The following PDE8A variants were observed in gnomAD, a reference collection of about 807,000 sequenced individuals.
PDE8A encodes the protein phosphodiesterase 8A.
A neutral mutation model predicts 105.0 loss-of-function variants in PDE8A; 59 were observed. The observed-to-expected ratio is 0.56, with a 90% CI of 0.46 to 0.70. The LOEUF (loss-of-function observed/expected upper bound fraction) is 0.70. PDE8A is among the 30% of genes least tolerant of loss of function. PDE8A has a pLI of 0.00. For missense variants in PDE8A, 1,014 were observed against 1,045.9 expected (o/e 0.97, Z 0.42); for synonymous variants, 355 against 371.9 (o/e 0.95, Z 0.52).
chr15:85,066,983 TAA>T, intron 2 of PDE8A, 29 bp from the exon 3 acceptor site: 5 of 1,497,290 alleles, frequency 3.3e-6, no homozygotes, highest in Non-Finnish European at 4.6e-6. Flanking sequence ...CATCTTTTTT[TAA>T]AAAAAGTGTT....
At chr15:85,093,154 C>G (rs886996655) in intron 8 of PDE8A, among the ~76,000 whole-genome samples, 1 of 152,174 alleles carries the variant, frequency 6.6e-6, no homozygotes, top group Middle Eastern at 3.2e-3. Context: ...GTCCGATAAT[C>G]GGCCACCCAA....
chr15:85,095,659 A>T (rs181113668), intron 8 of PDE8A, among the ~76,000 whole-genome samples: 29 of 152,018 alleles, frequency 1.9e-4, no homozygotes, highest in African/African-American at 7.0e-4. Context: ...TAAATCTTAT[A>T]TGATATTTAT....
intron 1 of PDE8A, among the ~76,000 whole-genome samples, chr15:85,011,549 A>G (rs955854660): frequency 6.6e-6 from 1 of 152,194 alleles, no homozygotes; most frequent in African/African-American, 2.4e-5. Flanking sequence ...GCAGTTGCCT[A>G]AAAGGGAAGC....
intron 1 of PDE8A, among the ~76,000 whole-genome samples, chr15:85,056,313 C>CTT (rs2081059407): frequency 6.6e-6 from 1 of 151,752 alleles, no homozygotes; most frequent in African/African-American, 2.4e-5. Flanking sequence ...CGAGGAGTAT[C>CTT]TTTGTGGCGT....
rs554841111 is a variant in PDE8A, at chr15:85,120,016, GAC to G, written c.1735-777_1735-776del. Among the ~76,000 whole-genome samples the G allele has an allele frequency of 2.3e-3, 344 of 151,168 alleles. 2 individuals are homozygous for G. The highest frequency in any genetic ancestry group is 3.5e-3 in the Non-Finnish European group (237 of 67,824). ...CTAGCCAAACTAGTTAAGATATAAA[GAC>G]ACAAAAATATACAAATTTACAGCAG... On this transcript the variant is annotated intron_variant, in intron 17 of 21. Transcript: ENST00000394553.
intron 13 of PDE8A, 65 bp from the exon 14 acceptor site, chr15:85,113,808 C>A: frequency 8.0e-7 from 1 of 1,257,680 alleles, no homozygotes; most frequent in Non-Finnish European, 1.1e-6. Flanking sequence ...ACACGTACTG[C>A]CATGCCTGGC....
intron 12 of PDE8A, among the ~76,000 whole-genome samples, chr15:85,111,075 T>C (rs2082014141): frequency 6.6e-6 from 1 of 152,188 alleles, no homozygotes; most frequent in South Asian, 2.1e-4. Context: ...TATAATTGGG[T>C]TGTATATCTT....
rs117435317 is a variant in PDE8A at position 84,982,710 on chromosome 15, C to G, written c.186+362C>G. On this transcript the variant is annotated intron_variant, in intron 1 of 21. Transcript: ENST00000394553. ...GTTTGAGGGAAACCCCCAGGATATTCTGGCGCGCCCCTGCAATGTTAAATC... is the reference window on the plus strand; with the variant it reads ...GTTTGAGGGAAACCCCCAGGATATTGTGGCGCGCCCCTGCAATGTTAAATC... Among the ~76,000 whole-genome samples, 66 of 152,324 alleles carry G rather than the reference C, an allele frequency of 4.3e-4. No homozygotes were observed. The East Asian group carries it at 0.012, about 28-fold the overall frequency.
chr15:85,032,402 A>G (rs2080630469), intron 1 of PDE8A, among the ~76,000 whole-genome samples: 1 of 152,210 alleles, frequency 6.6e-6, no homozygotes, highest in Non-Finnish European at 1.5e-5. Flanking sequence ...AATACAGTGT[A>G]TTTATTATAC....
chr15:84,999,551 TTTGTTG>T (rs3077007), intron 1 of PDE8A, among the ~76,000 whole-genome samples: 54 of 150,946 alleles, frequency 3.6e-4, no homozygotes, highest in Admixed American at 1.6e-3. Context: ...GCCTCCCTTT[TTTGTTG>T]TTGTTGTTGT....
chr15:84,994,742 G>A (rs574960431), intron 1 of PDE8A, among the ~76,000 whole-genome samples: 4 of 152,284 alleles, frequency 2.6e-5, no homozygotes, highest in African/African-American at 9.6e-5. Context: ...TGAGGCAGGT[G>A]GATCACCTGA....
chr15:85,069,532 C>T (rs2081281365), intron 3 of PDE8A, among the ~76,000 whole-genome samples: 1 of 152,182 alleles, frequency 6.6e-6, no homozygotes, highest in African/African-American at 2.4e-5. Flanking sequence ...TGAGCACACC[C>T]TTACTGCTAT....
chr15:85,041,147 A>G (rs1310737547), intron 1 of PDE8A, among the ~76,000 whole-genome samples: 1 of 152,196 alleles, frequency 6.6e-6, no homozygotes, highest in Non-Finnish European at 1.5e-5. Flanking sequence ...CCTGAACATC[A>G]GATGCTATAC....
chr15:84,980,891 C>G (rs1173529109), upstream of PDE8A, among the ~76,000 whole-genome samples: 1 of 152,190 alleles, frequency 6.6e-6, no homozygotes, highest in Non-Finnish European at 1.5e-5. Context: ...GCCGCCCCGG[C>G]GCCTGTGTAA....
Position 85,115,974 on chromosome 15 carries a change from C to T in PDE8A, c.1400-10C>T. Reference sequence around the variant, plus strand: ...AGCCTATTTGTTCTCCAAATTACATCACTTTACAGACACTCAAATGGTTTC... The same window carrying T: ...AGCCTATTTGTTCTCCAAATTACATTACTTTACAGACACTCAAATGGTTTC... On this transcript the variant is annotated splice_polypyrimidine_tract_variant and intron_variant, in intron 15 of 21. Coordinates refer to ENST00000394553, the MANE Select transcript of PDE8A (RefSeq NM_002605.3). 2 of 1,599,906 alleles carry T rather than the reference C, an allele frequency of 1.3e-6. No homozygotes were observed. The highest frequency in any genetic ancestry group is 1.1e-5 in the South Asian group (1 of 90,078).
chr15:85,045,490 G>C (rs2080873131), intron 1 of PDE8A, among the ~76,000 whole-genome samples: 2 of 152,182 alleles, frequency 1.3e-5, no homozygotes, highest in Admixed American at 1.3e-4. Context: ...CTGAGTGTCA[G>C]CTTCTTCATC....
chr15:85,089,359 T>C lies in PDE8A; in HGVS notation c.657T>C (p.Thr219=). The change falls in exon 7 of 22, where the codon ACT becomes ACC. Residue 219 remains threonine (T), a synonymous_variant. Transcript: ENST00000394553. ...LKLRACNSVF[T]ALENSEDAIE... is the part of the protein sequence containing the mutation. ...AAAGGGCTTGTAACTCAGTATTCACTGCATTAGAAAACAGTGAAGATGCAA... is the reference window on the plus strand; with the variant it reads ...AAAGGGCTTGTAACTCAGTATTCACCGCATTAGAAAACAGTGAAGATGCAA... 6.3e-7 allele frequency: 1 copy of C among 1,586,746 alleles called. No individual in the cohort carries two copies. The highest frequency in any genetic ancestry group is 1.1e-5 in the South Asian group (1 of 89,560).
At chr15:85,075,810 G>A (rs1350822604) in intron 3 of PDE8A, 52 bp from the exon 4 acceptor site, 11 of 1,009,870 alleles carry the variant, frequency 1.1e-5, no homozygotes, top group Non-Finnish European at 1.6e-5. Context: ...AGTATATTTG[G>A]TTTTTAAGGA....
In PDE8A at chr15:85,064,383, A is replaced by G. The variant is rs2081189391; in HGVS notation, c.200A>G (p.Asp67Gly). Residue 67 changes from aspartate to glycine, a missense_variant, in exon 2 of 22, where the codon GAT becomes GGT. Coordinates refer to ENST00000394553, the MANE Select transcript of PDE8A (RefSeq NM_002605.3). The stretch of plus-strand genomic sequence containing the variant: ...TCTTTCTTACAGGTAGCAGTAGCTG[A>G]TGTGCAGTTTGGCCCCATGAGATTT... The part of the protein sequence containing the change: ...DGSGKKVAVA[D>G]VQFGPMRFHQ... 1 of 1,609,096 alleles carries G rather than the reference A, an allele frequency of 6.2e-7. No individual in the cohort carries two copies. Among genetic ancestry groups the G allele is most frequent in the African/African-American group, 1.3e-5 (1 of 74,794 alleles).
Sources: gnomAD v4.1 joint callset for allele counts (sites outside exome capture counted in the v4.1 genomes callset) on GRCh38, gnomAD v4.1.1 for gene constraint, MANE v1.5 for transcripts, NCBI Gene and HGNC (gene_info 2026-07-23, HGNC 2026-07-21) for gene names.